The following PZP variants were observed in gnomAD, a reference collection of about 807,000 sequenced individuals.
The protein encoded by PZP is PZP alpha-2-macroglobulin like.
PZP carries 150 observed loss-of-function variants against 179.8 expected under a neutral mutation model. The ratio of observed to expected loss-of-function variants is 0.83; its 90% CI spans 0.73 to 0.96. The LOEUF is 0.96. PZP is among the 40% of genes least tolerant of loss of function. PZP has a pLI of 0.00. For missense variants in PZP, 1,689 were observed against 1,764.0 expected (o/e 0.96, Z 0.76); for synonymous variants, 624 against 652.3 (o/e 0.96, Z 0.66).
At chr12:9,163,031 CT>C (rs1941324896) in intron 21 of PZP, among the ~76,000 whole-genome samples, 1 of 152,086 alleles carries the variant, frequency 6.6e-6, no homozygotes, top group Admixed American at 6.5e-5. Context: ...ACATAACATC[CT>C]ACTTGTTATT....
chr12:9,207,828 G>T (rs1944514344), intron 1 of PZP, among the ~76,000 whole-genome samples: 1 of 152,126 alleles, frequency 6.6e-6, no homozygotes, highest in South Asian at 2.1e-4. Context: ...TCCCTGCTTT[G>T]GTCCCCCACT....
rs201579284 is a variant in PZP at position 9,168,973 on chromosome 12, C to T, written c.2003G>A (p.Gly668Glu). The stretch of plus-strand genomic sequence containing the variant: ...GTTAGTGAACACCTTCAATCCCATC[C>T]CCTGGAAAAAAATAATTGTTCAATC... ...NEADIYSFLK[G>E]MGLKVFTNSK... is the part of the protein sequence containing the mutation. The change falls in exon 17 of 36, where the codon GGG becomes GAG. Residue 668 changes from glycine to glutamate, a missense_variant and splice_region_variant. Physicochemically the swap from Gly to Glu is moderately conservative, Grantham distance 98. Coordinates refer to ENST00000261336, the MANE Select transcript of PZP (RefSeq NM_002864.3). The T allele has an allele frequency of 1.2e-6, 2 of 1,609,296 alleles. No individual in the cohort carries two copies. The highest frequency in any genetic ancestry group is 1.7e-6 in the Non-Finnish European group (2 of 1,175,986).
intron 19 of PZP, 119 bp from the exon 20 acceptor site, chr12:9,164,378 G>T: frequency 9.2e-7 from 1 of 1,086,970 alleles, no homozygotes; most frequent in Non-Finnish European, 1.3e-6. Context: ...AAAAATGTAT[G>T]TCACATAGAT....
intron 4 of PZP, among the ~76,000 whole-genome samples, chr12:9,201,628 T>C (rs1480909572): frequency 6.6e-6 from 1 of 152,142 alleles, no homozygotes; most frequent in Admixed American, 6.5e-5. Context: ...ATTTGGATAC[T>C]AAAATTCTCC....
intron 19 of PZP, among the ~76,000 whole-genome samples, chr12:9,164,474 G>A (rs777312837): frequency 6.6e-6 from 1 of 152,354 alleles, no homozygotes; most frequent in South Asian, 2.1e-4. Flanking sequence ...TTTGCCTTAG[G>A]GTAGCTTGTG....
intron 15 of PZP, among the ~76,000 whole-genome samples, chr12:9,177,985 T>C (rs762232813): frequency 6.6e-6 from 1 of 152,356 alleles, no homozygotes; most frequent in Non-Finnish European, 1.5e-5. Flanking sequence ...TGGGTTAACT[T>C]CTTGTTGTTT....
At chr12:9,178,133 G>T (rs764212823) in intron 15 of PZP, among the ~76,000 whole-genome samples, 1 of 152,132 alleles carries the variant, frequency 6.6e-6, no homozygotes, top group African/African-American at 2.4e-5. Context: ...CCCAATCTGC[G>T]GTTTTGGTTT....
rs138229137 is a variant in PZP at position 9,200,194 on chromosome 12, T to C, written c.755+170A>G. Among the ~76,000 whole-genome samples, 261 of 152,332 alleles carry C rather than the reference T, an allele frequency of 1.7e-3. 1 individual carries two copies. The highest frequency in any genetic ancestry group is 6.1e-3 in the African/African-American group (252 of 41,574). On this transcript the variant is annotated intron_variant, in intron 7 of 35. Transcript: ENST00000261336. ...GTTAAATCATAATTAAGTGTGTTTC[T>C]ATTCTTTTATGTATTTGAAAATTTT...
At chr12:9,150,834 CT>C in intron 33 of PZP, 88 bp from the exon 34 acceptor site, 3 of 848,314 alleles carry the variant, frequency 3.5e-6, no homozygotes, top group Non-Finnish European at 5.8e-6. Context: ...TTCTTTGACT[CT>C]TTTTCACCAG....
chr12:9,160,877 T>A (rs1051327435), intron 23 of PZP, among the ~76,000 whole-genome samples, 156 bp downstream of exon 23: 2 of 151,364 alleles, frequency 1.3e-5, no homozygotes, highest in Admixed American at 6.6e-5. Flanking sequence ...ATCACGTCAC[T>A]GTACTCCAGC....
At chr12:9,199,861 C>G (rs1944048942) in intron 7 of PZP, among the ~76,000 whole-genome samples, 1 of 152,042 alleles carries the variant, frequency 6.6e-6, no homozygotes, top group East Asian at 1.9e-4. Flanking sequence ...TTGAAAATTT[C>G]CGTTGTAGAG....
rs147236945 is a variant in PZP, at chr12:9,196,293, G to A, written c.1092+37C>T. The A allele has an allele frequency of 1.9e-4, 269 of 1,446,136 alleles. 1 individual carries two copies. In the African/African-American group the frequency reaches 3.4e-3, roughly 18 times the overall value. 89.6% of individuals were successfully genotyped at this position (1,446,136 alleles called of 1,614,324 possible). On this transcript the variant is annotated intron_variant, in intron 10 of 35. Coordinates refer to ENST00000261336, the MANE Select transcript of PZP (RefSeq NM_002864.3). ...TGTGTCCTGTGCTTAGGTGCAACTG[G>A]ATACTTTGCTTACCTGTGCATTACA...
chr12:9,152,096 G>C, intron 32 of PZP, 124 bp downstream of exon 32: 1 of 772,424 alleles, frequency 1.3e-6, no homozygotes, highest in Non-Finnish European at 2.2e-6. Flanking sequence ...TACTTCCTGG[G>C]TTTGGGAAAA....
chr12:9,154,883 T>A, intron 28 of PZP, 44 bp from the exon 29 acceptor site: 1 of 1,524,216 alleles, frequency 6.6e-7, no homozygotes. Context: ...CATCAATAAG[T>A]AATTATAACT....
At chr12:9,187,833 A>G (rs1943217639) in intron 13 of PZP, among the ~76,000 whole-genome samples, 1 of 152,216 alleles carries the variant, frequency 6.6e-6, no homozygotes, top group Non-Finnish European at 1.5e-5. Flanking sequence ...TGCTCTTCGG[A>G]ACCTGAAAGT....
chr12:9,149,007 G>A lies in PZP; in HGVS notation c.4427-13C>T. The stretch of plus-strand genomic sequence containing the variant: ...CCATGCTCTGTATCTATGGAGAAAA[G>A]AAAAACGTAAGGAGGTTGTATCATT... On this transcript the variant is annotated splice_polypyrimidine_tract_variant and intron_variant, in intron 35 of 35. Transcript: ENST00000261336. The A allele has an allele frequency of 6.2e-7, 1 of 1,609,892 alleles. No individual in the cohort carries two copies. Among genetic ancestry groups the A allele is most frequent in the East Asian group, 2.2e-5 (1 of 44,858 alleles).
chr12:9,208,160 A>G (rs1342224349), intron 1 of PZP, 99 bp downstream of exon 1: 4 of 813,990 alleles, frequency 4.9e-6, no homozygotes, highest in South Asian at 1.4e-5. Context: ...AAGGTATTGT[A>G]ATGAGTGGAA....
At chr12:9,146,316 T>TA (rs1326353791), downstream of PZP, among the ~76,000 whole-genome samples, 1 of 151,918 alleles carries the variant, frequency 6.6e-6, no homozygotes, top group African/African-American at 2.4e-5. Context: ...ATTGAACTCT[T>TA]ATAGTGAATT....
intron 13 of PZP, among the ~76,000 whole-genome samples, chr12:9,191,171 T>C (rs1053378336): frequency 6.6e-6 from 1 of 152,128 alleles, no homozygotes; most frequent in Non-Finnish European, 1.5e-5. Context: ...CTTCCTGTTA[T>C]GAATAAAATT....
Sources: allele counts gnomAD v4.1 joint callset (sites outside exome capture counted in the v4.1 genomes callset), GRCh38; gene constraint gnomAD v4.1.1; transcripts MANE v1.5; gene names NCBI Gene and HGNC (gene_info 2026-07-23, HGNC 2026-07-21).